DENND2B: variants seen among roughly 807,000 people sequenced by gnomAD.
DENND2B encodes DENN domain-containing protein 2B.
Under a neutral mutation model 116.0 loss-of-function variants are expected in DENND2B, and 32 were observed. The ratio of observed to expected loss-of-function variants is 0.28; its 90% CI spans 0.21 to 0.37. The LOEUF is 0.37. Ranked by LOEUF, DENND2B falls within the 10% of genes least tolerant of loss-of-function variation. The pLI is 1.00. For missense variants in DENND2B, 1,276 were observed against 1,477.7 expected, an observed-to-expected ratio of 0.86 and a Z score of 2.24; for synonymous variants, 588 against 583.9, an observed-to-expected ratio of 1.01 and a Z score of -0.10.
intron 4 of DENND2B, chr11:8,719,212 G>A (rs2045690026): frequency 9.1e-6 from 9 of 985,342 alleles, no homozygotes; most frequent in African/African-American, 1.7e-5. Context: ...CACGGGAGAA[G>A]AGCCAATCCC....
intron 3 of DENND2B, among the ~76,000 whole-genome samples, chr11:8,839,956 G>A (rs1441324382): frequency 6.6e-6 from 1 of 152,058 alleles, no homozygotes; most frequent in South Asian, 2.1e-4. Context: ...CCACTTACTG[G>A]ACAGTCTATG....
At position 8,702,480 on chromosome 11, in the gene DENND2B, C is replaced by G. The variant is rs953488395; in HGVS notation, c.2720+92G>C. 1 of 1,560,192 alleles carries G rather than the reference C, an allele frequency of 6.4e-7. No homozygotes were observed. The highest frequency in any genetic ancestry group is 1.4e-5 in the African/African-American group (1 of 73,696). ...ACAGCCCCACTCCAGCACTGGTCTCCGGCGCCTGCTTAGGCTCCTGAACAC... is the reference window on the plus strand; with the variant it reads ...ACAGCCCCACTCCAGCACTGGTCTCGGGCGCCTGCTTAGGCTCCTGAACAC... On this transcript the variant is annotated intron_variant, in intron 14 of 19. Transcript: ENST00000313726. This position sits in a 1 kb window ranked among gnomAD's most constrained non-coding sequence, Gnocchi z 4.6.
chr11:8,876,598 A>G (rs1328880412), intron 2 of DENND2B, among the ~76,000 whole-genome samples: 1 of 152,048 alleles, frequency 6.6e-6, no homozygotes, highest in Non-Finnish European at 1.5e-5. Context: ...TCATTTAGAT[A>G]AAGTACAGGG....
rs2045347300 is a variant in DENND2B at position 8,718,103 on chromosome 11, C to CACCCCCCCCA, written c.1478-221_1478-212dup. ...AAGTCCAGAAGCAGACCCACCCCCC[C>CACCCCCCCCA]ACCCCCCCCAACCCCCCACCCCCAG... On this transcript the variant is annotated intron_variant, in intron 4 of 19. Transcript: ENST00000313726. 3 of 266,050 alleles carry CACCCCCCCCA rather than the reference C, an allele frequency of 1.1e-5. No homozygotes were observed. In the Admixed American group the frequency reaches 1.7e-4, roughly 15 times the overall value. The allele number at this position is 266,050 out of a possible 1,614,324, so 16.5% of individuals were successfully genotyped here.
chr11:8,725,475 A>G (rs2046939801), intron 4 of DENND2B, among the ~76,000 whole-genome samples: 1 of 151,892 alleles, frequency 6.6e-6, no homozygotes, highest in Non-Finnish European at 1.5e-5. Context: ...CCCGGGTTCA[A>G]GCAATTCTCC....
intron 1 of DENND2B, among the ~76,000 whole-genome samples, chr11:8,782,077 C>T (rs911256426): frequency 6.6e-6 from 1 of 152,136 alleles, no homozygotes; most frequent in African/African-American, 2.4e-5. Context: ...AGGTAGCTGG[C>T]GTACACAAAC....
intron 2 of DENND2B, among the ~76,000 whole-genome samples, chr11:8,859,530 A>C (rs1021912971): frequency 2.0e-5 from 3 of 151,836 alleles, no homozygotes; most frequent in Non-Finnish European, 4.4e-5. Context: ...GGATGGTCTC[A>C]ATCTCCTGAC....
intron 1 of DENND2B, among the ~76,000 whole-genome samples, chr11:8,896,254 C>T (rs2064100275): frequency 6.6e-6 from 1 of 151,920 alleles, no homozygotes; most frequent in African/African-American, 2.4e-5. Context: ...AATAAATGTC[C>T]ATGGAACAAA....
rs184721450 is a variant in DENND2B at position 8,701,748 on chromosome 11, C to T, written c.2720+824G>A. Among the ~76,000 whole-genome samples the T allele has an allele frequency of 1.4e-4, 22 of 152,190 alleles. 1 individual carries two copies. Among genetic ancestry groups the T allele is most frequent in the Middle Eastern group, 3.4e-3 (1 of 294 alleles). ...AAACCTTGGCTGTCTAGAAGAGCTC[C>T]GACTTCTTACTTCCTAAACTGCCTC... On this transcript the variant is annotated intron_variant, in intron 14 of 19. Transcript: ENST00000313726.
chr11:8,789,687 A>G (rs1465131546), intron 1 of DENND2B, among the ~76,000 whole-genome samples: 1 of 152,200 alleles, frequency 6.6e-6, no homozygotes, highest in Non-Finnish European at 1.5e-5. Context: ...ACAAATCCAT[A>G]ATGTGAAAAG....
intron 1 of DENND2B, among the ~76,000 whole-genome samples, chr11:8,891,727 C>G (rs1370137440): frequency 6.6e-6 from 1 of 152,060 alleles, no homozygotes; most frequent in Non-Finnish European, 1.5e-5. Flanking sequence ...ACAGAAGCAC[C>G]CAGATTCATA....
At position 8,730,350 on chromosome 11, in the gene DENND2B, TC is replaced by T; in HGVS notation, c.939del (p.Arg315GlyfsTer18). ...LPSSCYSVDR[G>X]KRKTGTLGSL... Reference sequence around the variant, plus strand: ...GAGCCCAAGGTTCCAGTCTTCCTTTTCCCCCGGTCCACGCTGTAGCAGCTGC... The same window carrying T: ...GAGCCCAAGGTTCCAGTCTTCCTTTTCCCCGGTCCACGCTGTAGCAGCTGC... On this transcript the variant is annotated frameshift_variant, in exon 3 of 20. Transcript: ENST00000313726. LOFTEE classifies it high-confidence loss of function. This position sits in a 1 kb window ranked among gnomAD's most constrained non-coding sequence, Gnocchi z 4.1. The T allele has an allele frequency of 1.2e-6, 2 of 1,600,208 alleles. No individual in the cohort carries two copies. Among genetic ancestry groups the T allele is most frequent in the Non-Finnish European group, 1.7e-6 (2 of 1,178,172 alleles).
At chr11:8,759,492 A>G (rs546341538) in intron 1 of DENND2B, among the ~76,000 whole-genome samples, 1 of 152,242 alleles carries the variant, frequency 6.6e-6, no homozygotes, top group East Asian at 1.9e-4. Context: ...TCTCAACCAC[A>G]TGAGAGAATT....
At chr11:8,755,734 C>T (rs1251893333) in intron 1 of DENND2B, among the ~76,000 whole-genome samples, 5 of 152,242 alleles carry the variant, frequency 3.3e-5, no homozygotes, top group South Asian at 4.2e-4. Flanking sequence ...GTGATCCTCC[C>T]GCCTCAGCCT....
intron 4 of DENND2B, among the ~76,000 whole-genome samples, chr11:8,836,667 G>A (rs898462922): frequency 4.0e-5 from 6 of 151,502 alleles, no homozygotes; most frequent in Non-Finnish European, 7.4e-5. Context: ...TGATCCACCC[G>A]CCTCAGCCTC....
chr11:8,835,136 C>T (rs546696418), intron 4 of DENND2B, among the ~76,000 whole-genome samples: 4 of 152,104 alleles, frequency 2.6e-5, no homozygotes, highest in Non-Finnish European at 4.4e-5. Context: ...CCCAGCTACT[C>T]GGGAGGCTGA....
At chr11:8,752,123 AT>A (rs911097166) in intron 1 of DENND2B, among the ~76,000 whole-genome samples, 1 of 152,190 alleles carries the variant, frequency 6.6e-6, no homozygotes, top group Non-Finnish European at 1.5e-5. Context: ...TTCGTGTATA[AT>A]ATGTAAGGTG....
intron 4 of DENND2B, among the ~76,000 whole-genome samples, chr11:8,722,964 G>C (rs979861387): frequency 6.6e-6 from 1 of 152,128 alleles, no homozygotes; most frequent in Non-Finnish European, 1.5e-5. Flanking sequence ...ACCCCTAGCT[G>C]TACTCAGCCA....
intron 1 of DENND2B, among the ~76,000 whole-genome samples, chr11:8,804,531 A>G (rs928897815): frequency 1.4e-5 from 2 of 147,950 alleles, no homozygotes; most frequent in South Asian, 4.3e-4. Context: ...AACGAGATGC[A>G]AAATAGCAGC....
Sources: allele counts gnomAD v4.1 joint callset (sites outside exome capture counted in the v4.1 genomes callset), GRCh38; gene constraint gnomAD v4.1.1; non-coding constraint Gnocchi (gnomAD v3.1); transcripts MANE v1.5; gene names NCBI Gene and HGNC (gene_info 2026-07-23, HGNC 2026-07-21).